GGA2: variants seen among roughly 807,000 people sequenced by gnomAD.
GGA2 encodes the protein ADP-ribosylation factor-binding protein GGA2.
GGA2 carries 48 observed loss-of-function variants against 79.5 expected under a neutral mutation model. That is an observed-to-expected ratio of 0.60 (90% CI 0.48 to 0.77). The LOEUF (loss-of-function observed/expected upper bound fraction) is 0.77. Among genes scored for constraint, GGA2 ranks in the 30% least tolerant of loss-of-function variants. The pLI, the probability that GGA2 is intolerant of heterozygous loss-of-function variation, is 0.00. For synonymous variants in GGA2, 317 were observed against 302.0 expected, an observed-to-expected ratio of 1.05 and a Z score of -0.51; for missense variants, 770 against 774.0, an observed-to-expected ratio of 0.99 and a Z score of 0.06.
intron 2 of GGA2, chr16:23,495,263 G>C (rs1174342226): frequency 6.5e-6 from 1 of 153,178 alleles, no homozygotes; most frequent in Admixed American, 6.5e-5. Flanking sequence ...CTTTTAATTA[G>C]GTAACGTGTC....
At chr16:23,481,480 C>G (rs1964647635) in intron 9 of GGA2, among the ~76,000 whole-genome samples, 1 of 152,098 alleles carries the variant, frequency 6.6e-6, no homozygotes, top group African/African-American at 2.4e-5. Context: ...TATTTTCATG[C>G]AAGGAAAAAA....
intron 16 of GGA2, among the ~76,000 whole-genome samples, chr16:23,468,097 T>C (rs79170034): frequency 0.013 from 2,029 of 150,928 alleles, 50 homozygotes; most frequent in African/African-American, 0.047. Flanking sequence ...AACCAGAGAC[T>C]GACTTTCTTT....
chr16:23,476,762 T>C (rs767624648), intron 13 of GGA2, among the ~76,000 whole-genome samples: 2 of 152,202 alleles, frequency 1.3e-5, no homozygotes, highest in African/African-American at 4.8e-5. Context: ...CTTTGTTGTA[T>C]GTTTCTCCAT....
chr16:23,481,310 T>C (rs372689483), intron 9 of GGA2, among the ~76,000 whole-genome samples: 2 of 150,670 alleles, frequency 1.3e-5, no homozygotes, highest in Non-Finnish European at 3.0e-5. Context: ...GAGACGGAGG[T>C]TGCAGCGAGC....
intron 11 of GGA2, 41 bp downstream of exon 11, chr16:23,479,724 C>A (rs1478975245): frequency 1.9e-6 from 3 of 1,611,278 alleles, no homozygotes; most frequent in Non-Finnish European, 2.5e-6. Context: ...CCCCTACTCG[C>A]ACCCATCCTG....
chr16:23,509,957 C>T (rs1393678996), intron 1 of GGA2, among the ~76,000 whole-genome samples: 1 of 151,818 alleles, frequency 6.6e-6, no homozygotes, highest in Non-Finnish European at 1.5e-5. Flanking sequence ...TAATAGAAGC[C>T]AGCTCGGGGT....
upstream of GGA2, among the ~76,000 whole-genome samples, chr16:23,514,231 G>A (rs567989416): frequency 7.3e-5 from 11 of 151,524 alleles, no homozygotes; most frequent in South Asian, 4.2e-4. Context: ...TCAGTCTCCC[G>A]AGTAGCTGGG....
chr16:23,491,191 C>T (rs1964780697), intron 5 of GGA2, among the ~76,000 whole-genome samples: 1 of 150,574 alleles, frequency 6.6e-6, no homozygotes, highest in South Asian at 2.1e-4. Context: ...CCTGTAGTCC[C>T]AGCTGCTTGG....
chr16:23,507,072 T>C (rs1210933058), intron 1 of GGA2, among the ~76,000 whole-genome samples: 1 of 152,100 alleles, frequency 6.6e-6, no homozygotes, highest in African/African-American at 2.4e-5. Flanking sequence ...TCCCTCTCGC[T>C]ATTCTCTCCC....
At chr16:23,506,267 C>T (rs1204084592) in intron 1 of GGA2, among the ~76,000 whole-genome samples, 1 of 152,094 alleles carries the variant, frequency 6.6e-6, no homozygotes, top group Admixed American at 6.5e-5. Flanking sequence ...ATCAATCCCA[C>T]GACCCCCTTA....
At chr16:23,518,101 C>T (rs989937471) in intron 2 of GGA2, among the ~76,000 whole-genome samples, 3 of 151,520 alleles carry the variant, frequency 2.0e-5, no homozygotes, top group African/African-American at 7.3e-5. Flanking sequence ...TTAGTAGAGA[C>T]GGCATTTCAC....
intron 1 of GGA2, chr16:23,521,649 CT>C: frequency 9.1e-6 from 4 of 440,862 alleles, no homozygotes; most frequent in South Asian, 6.4e-5. Context: ...AGCCTACCAC[CT>C]TTGCCTCACA....
chr16:23,519,565 TAGG>T (rs1203488188), intron 2 of GGA2: 2 of 399,406 alleles, frequency 5.0e-6, no homozygotes, highest in Admixed American at 6.2e-5. Flanking sequence ...ATTGGTGATG[TAGG>T]AGAAGAGAGA....
At chr16:23,483,123 C>G in intron 8 of GGA2, 119 bp from the exon 9 acceptor site, 1 of 692,270 alleles carries the variant, frequency 1.4e-6, no homozygotes, top group East Asian at 2.7e-5. Flanking sequence ...GAAGGCCTCC[C>G]AATGGTCCTG....
chr16:23,489,625 A>G (rs544746659), intron 5 of GGA2, among the ~76,000 whole-genome samples: 1 of 152,352 alleles, frequency 6.6e-6, no homozygotes, highest in African/African-American at 2.4e-5. Context: ...ACAACCTCCA[A>G]GGATTGACAA....
upstream of GGA2, among the ~76,000 whole-genome samples, chr16:23,514,384 A>G (rs556746116): frequency 1.4e-4 from 22 of 152,250 alleles, no homozygotes; most frequent in South Asian, 4.6e-3. Context: ...CTGGGATTAC[A>G]AGAGTAAGCC....
chr16:23,476,894 C>A (rs1264280296), intron 13 of GGA2, among the ~76,000 whole-genome samples: 1 of 152,140 alleles, frequency 6.6e-6, no homozygotes, highest in African/African-American at 2.4e-5. Context: ...GATGTCTTGG[C>A]CAAAGCAGGT....
chr16:23,499,136 G>A (rs960880208), intron 1 of GGA2, among the ~76,000 whole-genome samples: 14 of 140,434 alleles, frequency 1.0e-4, no homozygotes, highest in South Asian at 2.3e-4. Context: ...CAGCACTGAC[G>A]GGCACCACCT....
intron 1 of GGA2, 128 bp downstream of exon 1, chr16:23,510,192 GC>G: frequency 2.2e-6 from 1 of 454,842 alleles, no homozygotes; most frequent in South Asian, 5.2e-5. Flanking sequence ...ACCGCGCCGG[GC>G]CCAGGCCCCC....
Sources: allele counts gnomAD v4.1 joint callset (sites outside exome capture counted in the v4.1 genomes callset), GRCh38; gene constraint gnomAD v4.1.1; transcripts MANE v1.5; gene names NCBI Gene and HGNC (gene_info 2026-07-23, HGNC 2026-07-21).